The following PRDM16 variants were observed in gnomAD, a reference collection of about 807,000 sequenced individuals.
PRDM16 encodes the protein histone-lysine N-methyltransferase PRDM16.
A neutral mutation model predicts 110.6 loss-of-function variants in PRDM16; 23 were observed. The ratio of observed to expected loss-of-function variants is 0.21; its 90% CI spans 0.15 to 0.29. The LOEUF (loss-of-function observed/expected upper bound fraction) is 0.29, where lower values mean the gene tolerates loss of function less well. Ranked by LOEUF, PRDM16 falls within the 10% of genes least tolerant of loss-of-function variation. The probability of loss-of-function intolerance (pLI) is 1.00; values close to 1 mark genes in which losing one functional copy is unlikely to be tolerated. For synonymous variants in PRDM16, 799 were observed against 781.8 expected (o/e 1.02, Z -0.37); for missense variants, 1,615 against 1,794.3 (o/e 0.90, Z 1.81).
intron 14 of PRDM16, among the ~76,000 whole-genome samples, chr1:3,429,851 C>A (rs576120379): frequency 1.6e-4 from 25 of 152,340 alleles, no homozygotes; most frequent in African/African-American, 6.0e-4. Context: ...TGCACACAGG[C>A]GAGTCCGAGA....
intron 4 of PRDM16, among the ~76,000 whole-genome samples, chr1:3,387,972 A>T (rs1643231129): frequency 2.0e-5 from 3 of 152,214 alleles, no homozygotes; most frequent in African/African-American, 7.2e-5. Context: ...TGACGGCCGC[A>T]CGGCCTCGGC....
At chr1:3,135,799 T>C (rs1643426056) in intron 1 of PRDM16, among the ~76,000 whole-genome samples, 1 of 152,102 alleles carries the variant, frequency 6.6e-6, no homozygotes, top group Non-Finnish European at 1.5e-5. Flanking sequence ...ATCCCAGCCG[T>C]CCCCAGACCG....
chr1:3,098,441 G>C (rs946672052), intron 1 of PRDM16, among the ~76,000 whole-genome samples: 3 of 152,148 alleles, frequency 2.0e-5, no homozygotes, highest in African/African-American at 7.2e-5. Context: ...GGTCCCACTT[G>C]TCTCCCCCAC....
At chr1:3,126,121 G>T (rs192088623) in intron 1 of PRDM16, among the ~76,000 whole-genome samples, 5 of 152,304 alleles carry the variant, frequency 3.3e-5, no homozygotes, top group Non-Finnish European at 7.3e-5. Flanking sequence ...ATTCCAAACC[G>T]AACTGTCTCA....
At chr1:3,274,981 G>A (rs894429818) in intron 3 of PRDM16, among the ~76,000 whole-genome samples, 1 of 152,182 alleles carries the variant, frequency 6.6e-6, no homozygotes, top group African/African-American at 2.4e-5. Context: ...TTTGAGAAGG[G>A]TGTTGTGAAT....
chr1:3,254,137 T>G (rs1639998718), intron 3 of PRDM16, among the ~76,000 whole-genome samples: 1 of 152,172 alleles, frequency 6.6e-6, no homozygotes, highest in South Asian at 2.1e-4. Flanking sequence ...TTGCGAAAAT[T>G]TTCTCCCATT....
At chr1:3,293,066 G>A (rs1641012518) in intron 3 of PRDM16, among the ~76,000 whole-genome samples, 1 of 152,216 alleles carries the variant, frequency 6.6e-6, no homozygotes, top group South Asian at 2.1e-4. Flanking sequence ...CCTTTCACAG[G>A]GACATCGCCC....
At chr1:3,393,402 T>A (rs1290257480) in intron 4 of PRDM16, among the ~76,000 whole-genome samples, 3 of 152,212 alleles carry the variant, frequency 2.0e-5, no homozygotes, top group African/African-American at 7.2e-5. Context: ...CCATGCTGAC[T>A]TAGCGCGGTC....
chr1:3,225,581 C>T (rs540833688), intron 2 of PRDM16, among the ~76,000 whole-genome samples: 186 of 148,024 alleles, frequency 1.3e-3, no homozygotes, highest in Non-Finnish European at 1.3e-3. Context: ...TGTGCGCGCG[C>T]GCAGAAGGAA....
intron 11 of PRDM16, among the ~76,000 whole-genome samples, chr1:3,418,299 A>T (rs1475877601): frequency 6.6e-6 from 1 of 152,134 alleles, no homozygotes; most frequent in African/African-American, 2.4e-5. Flanking sequence ...GCTTGGAGGG[A>T]TGGGAAGCCC....
intron 2 of PRDM16, among the ~76,000 whole-genome samples, chr1:3,230,298 G>A (rs1005176922): frequency 3.3e-5 from 5 of 152,194 alleles, no homozygotes; most frequent in Non-Finnish European, 7.3e-5. Context: ...TAGGTCTCAC[G>A]GAGGCCTTTC....
At chr1:3,114,016 C>A (rs1162937591) in intron 1 of PRDM16, among the ~76,000 whole-genome samples, 1 of 152,208 alleles carries the variant, frequency 6.6e-6, no homozygotes, top group Non-Finnish European at 1.5e-5. Context: ...TGTTTTTAAA[C>A]CTACTAGTCA....
intron 1 of PRDM16, among the ~76,000 whole-genome samples, chr1:3,119,988 CCCTG>C (rs967983371): frequency 7.2e-6 from 1 of 138,648 alleles, no homozygotes; most frequent in African/African-American, 3.0e-5. Context: ...CAGGCTGCAG[CCCTG>C]CCTGCCTGCC....
chr1:3,379,269 C>A (rs1643055695), intron 3 of PRDM16, among the ~76,000 whole-genome samples: 2 of 60,660 alleles, frequency 3.3e-5, no homozygotes. Context: ...CACACCCCTC[C>A]CAACACACCC....
At chr1:3,117,455 G>T (rs550953948) in intron 1 of PRDM16, among the ~76,000 whole-genome samples, 3 of 152,296 alleles carry the variant, frequency 2.0e-5, no homozygotes, top group Non-Finnish European at 4.4e-5. Context: ...GCCCCAGAGA[G>T]CCTGTGAGGT....
chr1:3,113,010 C>A (rs1395156499), intron 1 of PRDM16, among the ~76,000 whole-genome samples: 1 of 152,260 alleles, frequency 6.6e-6, no homozygotes, highest in African/African-American at 2.4e-5. Context: ...TCTTCCCAGA[C>A]TGGTGCAGGG....
chr1:3,310,916 G>A (rs549868621), intron 3 of PRDM16, among the ~76,000 whole-genome samples: 20 of 152,114 alleles, frequency 1.3e-4, no homozygotes, highest in Admixed American at 3.3e-4. Context: ...GTGTGGGCAC[G>A]TGTGCATGCA....
At chr1:3,232,247 G>A (rs544214059) in intron 2 of PRDM16, among the ~76,000 whole-genome samples, 3 of 152,310 alleles carry the variant, frequency 2.0e-5, no homozygotes, top group South Asian at 2.1e-4. Flanking sequence ...CCAAATAAGC[G>A]AATGGCTCGG....
At chr1:3,074,524 C>A (rs1430843575) in intron 1 of PRDM16, among the ~76,000 whole-genome samples, 1 of 152,280 alleles carries the variant, frequency 6.6e-6, no homozygotes, top group East Asian at 1.9e-4. Context: ...CAGGACATCA[C>A]GTGCGTCCAG....
Sources: gnomAD v4.1 joint callset for allele counts (sites outside exome capture counted in the v4.1 genomes callset) on GRCh38, gnomAD v4.1.1 for gene constraint, MANE v1.5 for transcripts, NCBI Gene and HGNC (gene_info 2026-07-23, HGNC 2026-07-21) for gene names.